The following TRDN variants were observed in gnomAD, a reference collection of about 807,000 sequenced individuals.
TRDN encodes triadin in skeletal muscle.
In TRDN, 161 loss-of-function variants were observed where a neutral mutation model predicts 149.7. The observed-to-expected ratio is 1.08, with a 90% CI of 0.95 to 1.23. The LOEUF is 1.23. Ranked by LOEUF, TRDN falls within the 50% of genes most tolerant of loss-of-function variation. The probability of loss-of-function intolerance (pLI) is 0.00; values close to 1 mark genes in which losing one functional copy is unlikely to be tolerated. For synonymous variants in TRDN, 294 were observed against 250.5 expected, an observed-to-expected ratio of 1.17 and a Z score of -1.64; for missense variants, 896 against 823.5, an observed-to-expected ratio of 1.09 and a Z score of -1.08.
intron 23 of TRDN, among the ~76,000 whole-genome samples, chr6:123,325,530 T>C (rs985284994): frequency 1.3e-5 from 2 of 152,110 alleles, no homozygotes; most frequent in South Asian, 2.1e-4. Flanking sequence ...TGGAACATTT[T>C]AAAAATTTAG....
intron 24 of TRDN, among the ~76,000 whole-genome samples, chr6:123,283,985 C>CATATATAT (rs57419103): frequency 0.017 from 992 of 57,162 alleles, 158 homozygotes; most frequent in African/African-American, 0.039. Flanking sequence ...CAACATGGCA[C>CATATATAT]ATATATATAT....
intron 13 of TRDN, among the ~76,000 whole-genome samples, chr6:123,391,201 T>C (rs1190575278): frequency 2.0e-5 from 3 of 152,084 alleles, no homozygotes; most frequent in African/African-American, 4.8e-5. Context: ...AAAAAATTAT[T>C]GTCCAATTAT....
chr6:123,393,752 A>C (rs1305776269), intron 12 of TRDN, 75 bp from the exon 13 acceptor site: 2 of 1,359,788 alleles, frequency 1.5e-6, no homozygotes, highest in African/African-American at 2.9e-5. Context: ...GGGACAGGGG[A>C]GCACAAACAC....
At chr6:123,593,224 G>A in intron 1 of TRDN, among the ~76,000 whole-genome samples, 1 of 152,202 alleles carries the variant, frequency 6.6e-6, no homozygotes, top group East Asian at 1.9e-4. Flanking sequence ...CTGCACCAGT[G>A]AAACTGAAAA....
chr6:123,245,648 C>T (rs2114554720), intron 38 of TRDN, among the ~76,000 whole-genome samples: 1 of 152,242 alleles, frequency 6.6e-6, no homozygotes, highest in South Asian at 2.1e-4. Flanking sequence ...TAGTGGGAAA[C>T]TTTAACATCC....
intron 38 of TRDN, among the ~76,000 whole-genome samples, chr6:123,248,504 C>A (rs1256861088): frequency 5.3e-5 from 8 of 152,084 alleles, no homozygotes; most frequent in Non-Finnish European, 8.8e-5. Context: ...TTGCACTGAG[C>A]TGAGATCACG....
At chr6:123,590,275 C>T (rs80242500) in intron 1 of TRDN, among the ~76,000 whole-genome samples, 1 of 152,204 alleles carries the variant, frequency 6.6e-6, no homozygotes, top group African/African-American at 2.4e-5. Flanking sequence ...GGATCATGAA[C>T]CCTATAGTGA....
At chr6:123,259,099 C>A (rs1270715877) in intron 35 of TRDN, among the ~76,000 whole-genome samples, 3 of 151,978 alleles carry the variant, frequency 2.0e-5, no homozygotes, top group Non-Finnish European at 4.4e-5. Context: ...CTCTTGGATT[C>A]ACTGATTTTT....
chr6:123,268,813 T>C (rs1215663285), intron 31 of TRDN, among the ~76,000 whole-genome samples: 2 of 151,814 alleles, frequency 1.3e-5, no homozygotes, highest in East Asian at 1.9e-4. Context: ...TAAAAGAAAA[T>C]GCAGCCAATA....
intron 12 of TRDN, among the ~76,000 whole-genome samples, chr6:123,431,019 A>T (rs1774318288): frequency 6.6e-6 from 1 of 152,206 alleles, no homozygotes; most frequent in Non-Finnish European, 1.5e-5. Context: ...CTGTTGGAAA[A>T]TCTCTTATTC....
chr6:123,451,329 A>T (rs1775755173), intron 10 of TRDN, among the ~76,000 whole-genome samples: 1 of 152,102 alleles, frequency 6.6e-6, no homozygotes, highest in Admixed American at 6.5e-5. Flanking sequence ...CTTTGAAAAG[A>T]TAAATAAAAT....
intron 2 of TRDN, among the ~76,000 whole-genome samples, chr6:123,562,247 T>G (rs1474958869): frequency 6.6e-6 from 1 of 152,190 alleles, no homozygotes; most frequent in African/African-American, 2.4e-5. Flanking sequence ...CTCCCTTCGC[T>G]GACTCTCTTT....
At chr6:123,518,419 G>A (rs1779514772) in intron 5 of TRDN, among the ~76,000 whole-genome samples, 1 of 152,102 alleles carries the variant, frequency 6.6e-6, no homozygotes, top group South Asian at 2.1e-4. Flanking sequence ...CTCTGAGGGG[G>A]AACCAAGTTT....
At chr6:123,567,424 G>A (rs747594634) in intron 2 of TRDN, among the ~76,000 whole-genome samples, 5 of 152,136 alleles carry the variant, frequency 3.3e-5, no homozygotes, top group Admixed American at 6.5e-5. Flanking sequence ...TTCCGGCATT[G>A]CTATAAAGAA....
chr6:123,390,494 A>T (rs1443533206), intron 13 of TRDN, among the ~76,000 whole-genome samples: 3 of 152,108 alleles, frequency 2.0e-5, no homozygotes, highest in Non-Finnish European at 4.4e-5. Flanking sequence ...TGAATGAAGG[A>T]ATTTGACCTA....
At chr6:123,595,264 C>A (rs1485956191) in intron 1 of TRDN, among the ~76,000 whole-genome samples, 1 of 152,062 alleles carries the variant, frequency 6.6e-6, no homozygotes, top group Admixed American at 6.6e-5. Flanking sequence ...GAATAAAAGT[C>A]TTTTACAAAC....
At chr6:123,266,950 AC>A (rs1160905068) in intron 32 of TRDN, among the ~76,000 whole-genome samples, 1 of 148,480 alleles carries the variant, frequency 6.7e-6, no homozygotes, top group Non-Finnish European at 1.5e-5. Context: ...TACTAAAAAT[AC>A]AAAAAATTAG....
rs543485649 is a variant in TRDN, at chr6:123,544,666, C to A, written c.424+2674G>T. ...TTTCATACTTATAATTTTTAGACAA[C>A]TATGTAATAAAATATAGTATTTTCT... On this transcript the variant is annotated intron_variant, in intron 4 of 40. Coordinates refer to ENST00000334268, the MANE Select transcript of TRDN (RefSeq NM_006073.4). Among the ~76,000 whole-genome samples, 80 of 152,008 alleles carry A rather than the reference C, an allele frequency of 5.3e-4. 1 individual carries two copies. The highest frequency in any genetic ancestry group is 1.9e-3 in the African/African-American group (78 of 41,502).
intron 12 of TRDN, among the ~76,000 whole-genome samples, chr6:123,436,422 C>T (rs1339818586): frequency 6.6e-6 from 1 of 152,112 alleles, no homozygotes; most frequent in East Asian, 1.9e-4. Context: ...GAATGTCTGG[C>T]TGATCCTTCT....
Sources: allele counts gnomAD v4.1 joint callset (sites outside exome capture counted in the v4.1 genomes callset), GRCh38; gene constraint gnomAD v4.1.1; transcripts MANE v1.5; gene names NCBI Gene and HGNC (gene_info 2026-07-23, HGNC 2026-07-21).